IL17REL: variants seen among roughly 807,000 people sequenced by gnomAD.
The protein encoded by IL17REL is interleukin-17 receptor E-like protein.
A neutral mutation model predicts 49.0 loss-of-function variants in IL17REL; 36 were observed. The observed-to-expected ratio is 0.73, with a 90% CI of 0.56 to 0.97. IL17REL has a LOEUF of 0.97. Among genes scored for constraint, IL17REL ranks in the 50% least tolerant of loss-of-function variants. IL17REL has a pLI of 0.00. For synonymous variants in IL17REL, 206 were observed against 192.4 expected, an observed-to-expected ratio of 1.07 and a Z score of -0.58; for missense variants, 470 against 453.9, an observed-to-expected ratio of 1.04 and a Z score of -0.32.
exon 8 of IL17REL, chr22:49,998,187 C>T: frequency 6.2e-7 from 1 of 1,611,320 alleles, no homozygotes; most frequent in Non-Finnish European, 8.5e-7. Context: ...CAGCCGGCCC[C>T]CGGCCCCGGG....
chr22:50,010,393 C>T (rs1026361030), upstream of IL17REL, among the ~76,000 whole-genome samples: 1 of 152,260 alleles, frequency 6.6e-6, no homozygotes. Context: ...CGAGGGCAGC[C>T]CAGACCAGCC....
In IL17REL at chr22:49,997,208, C is replaced by A. The variant is rs2061040805; in HGVS notation, c.974+112G>T. The A allele has an allele frequency of 2.4e-5, 34 of 1,404,294 alleles. No homozygotes were observed. The South Asian group carries it at 3.7e-4, about 15-fold the overall frequency. 87.0% of individuals were successfully genotyped at this position (1,404,294 alleles called of 1,614,324 possible). On this transcript the variant is annotated intron_variant, in intron 11 of 12. Coordinates refer to ENST00000341280, the Ensembl canonical transcript of IL17REL. ...ATCCCTCCCTGCCAGGTAGACTAGA[C>A]CCTGGGTGGGCTCAGGGCCCGGGTG...
downstream of IL17REL, among the ~76,000 whole-genome samples, chr22:49,992,187 G>T (rs988358766): frequency 6.6e-6 from 1 of 152,128 alleles, no homozygotes; most frequent in Non-Finnish European, 1.5e-5. Flanking sequence ...ACACAAATTT[G>T]TCCACAAGGA....
At chr22:49,997,008 C>T in exon 12 of IL17REL, 1 of 1,534,686 alleles carries the variant, frequency 6.5e-7, no homozygotes, top group Non-Finnish European at 8.8e-7. Context: ...ATGCAGATGC[C>T]TGGGGCACAG....
chr22:50,002,619 C>G (rs940880428), intron 1 of IL17REL, among the ~76,000 whole-genome samples: 1 of 151,744 alleles, frequency 6.6e-6, no homozygotes, highest in Non-Finnish European at 1.5e-5. Flanking sequence ...CTCAGCCTCA[C>G]GAGTAGTCGG....
chr22:49,994,271 TTTATGGGGACACTTGGATG>T (rs539554517), downstream of IL17REL, among the ~76,000 whole-genome samples: 3 of 151,520 alleles, frequency 2.0e-5, no homozygotes, highest in East Asian at 5.9e-4. Flanking sequence ...CCACTGGTCC[TTTATGGGGACACTTGGATG>T]GGGATGTCTG....
exon 4 of IL17REL, chr22:50,000,527 G>C (rs1356510856): frequency 6.2e-7 from 1 of 1,613,524 alleles, no homozygotes; most frequent in Non-Finnish European, 8.5e-7. Flanking sequence ...AATGAGGGAT[G>C]GTCCTCAGGG....
At chr22:49,998,674 C>CAT (rs1267575361) in intron 7 of IL17REL, among the ~76,000 whole-genome samples, 38 of 143,146 alleles carry the variant, frequency 2.7e-4, no homozygotes, top group African/African-American at 9.7e-4. Context: ...TATGGGTGTG[C>CAT]GTGAGTGTGC....
chr22:49,997,308 C>T lies in IL17REL; in HGVS notation c.974+12G>A. ...CACCTCCCCAGGATGGAGCCCCACT[C>T]TCTCGGCTCACTGAGGCTGAAGGGA... On this transcript the variant is annotated intron_variant, in intron 11 of 12. Transcript: ENST00000341280. 6.2e-7 allele frequency: 1 copy of T among 1,611,476 alleles called. No homozygotes were observed. Among genetic ancestry groups the T allele is most frequent in the Non-Finnish European group, 8.5e-7 (1 of 1,178,474 alleles).
At chr22:50,001,109 G>T (rs147243670) in exon 2 of IL17REL, 2 of 1,598,346 alleles carry the variant, frequency 1.3e-6, no homozygotes, top group Non-Finnish European at 1.7e-6. Flanking sequence ...GCGCGTACAC[G>T]CAGGAGCATC....
exon 2 of IL17REL, chr22:50,001,086 C>G (rs144579728): frequency 1.3e-5 from 20 of 1,583,302 alleles, no homozygotes; most frequent in Admixed American, 5.4e-5. Context: ...TCTCACCATG[C>G]AGGGTGATGG....
At chr22:49,999,906 C>T (rs1469551195) in exon 5 of IL17REL, 2 of 1,540,528 alleles carry the variant, frequency 1.3e-6, no homozygotes, top group Admixed American at 2.0e-5. Flanking sequence ...TCCCGGAGGC[C>T]CTGGGCACTT....
chr22:50,006,592 T>C (rs2061111664), intron 1 of IL17REL, among the ~76,000 whole-genome samples: 1 of 151,958 alleles, frequency 6.6e-6, no homozygotes, highest in South Asian at 2.1e-4. Context: ...CCAGGCACAC[T>C]TGAGAGAAAT....
exon 8 of IL17REL, chr22:49,998,268 G>C: frequency 6.2e-7 from 1 of 1,611,904 alleles, no homozygotes; most frequent in Non-Finnish European, 8.5e-7. Flanking sequence ...CTCTCCGGGT[G>C]GTAGTAGACC....
intron 1 of IL17REL, among the ~76,000 whole-genome samples, chr22:50,008,187 G>A (rs184733826): frequency 6.6e-5 from 10 of 152,342 alleles, no homozygotes; most frequent in African/African-American, 2.4e-4. Flanking sequence ...AGGCTTTCCA[G>A]TGAGCCTTAA....
chr22:50,001,549 G>A (rs1409860562), intron 1 of IL17REL, among the ~76,000 whole-genome samples: 1 of 152,226 alleles, frequency 6.6e-6, no homozygotes, highest in Non-Finnish European at 1.5e-5. Flanking sequence ...ACCACGACTT[G>A]CTGGCAAGCT....
At chr22:50,006,954 CAA>C (rs34032002) in intron 1 of IL17REL, among the ~76,000 whole-genome samples, 14 of 101,906 alleles carry the variant, frequency 1.4e-4, no homozygotes, top group East Asian at 2.9e-4. Context: ...GACTCTGTCT[CAA>C]AAAAAAAAAA....
Position 49,999,285 on chromosome 22 carries a change from A to C in IL17REL, c.601+6T>G, listed in dbSNP as rs1381796574. On this transcript the variant is annotated splice_donor_region_variant and intron_variant, in intron 7 of 12. Transcript: ENST00000341280. ...CTTCCGCCCGTTGGCATCGCAGGAC[A>C]CTTGCCGTTTTCAAAGGGGCAGATC... 6.2e-7 allele frequency: 1 copy of C among 1,612,968 alleles called. No individual in the cohort carries two copies. Among genetic ancestry groups the C allele is most frequent in the Admixed American group, 1.7e-5 (1 of 60,016 alleles).
At chr22:49,993,942 G>A (rs2061018740), downstream of IL17REL, among the ~76,000 whole-genome samples, 1 of 152,066 alleles carries the variant, frequency 6.6e-6, no homozygotes, top group African/African-American at 2.4e-5. The surrounding 1 kb of genome is among the most constrained non-coding windows in gnomAD (Gnocchi z 6.0). Flanking sequence ...GGGGCGGACG[G>A]GGTCTCCAGA....
Sources: gnomAD v4.1 joint callset for allele counts (sites outside exome capture counted in the v4.1 genomes callset) on GRCh38, gnomAD v4.1.1 for gene constraint, Gnocchi (gnomAD v3.1) non-coding constraint, MANE v1.5 for transcripts, NCBI Gene and HGNC (gene_info 2026-07-23, HGNC 2026-07-21) for gene names.